Variants in AGMO observed in about 807,000 individuals in gnomAD.
The protein encoded by AGMO is alkylglycerol monooxygenase.
Under a neutral mutation model 60.2 loss-of-function variants are expected in AGMO, and 75 were observed. The observed-to-expected ratio is 1.25, with a 90% CI of 1.03 to 1.51. The LOEUF (loss-of-function observed/expected upper bound fraction) is 1.51, where lower values mean the gene tolerates loss of function less well. Among genes scored for constraint, AGMO ranks in the 40% most tolerant of loss-of-function variants. The pLI is 0.00. For synonymous variants in AGMO, 261 were observed against 177.1 expected (o/e 1.47, Z -3.76); for missense variants, 763 against 525.5 (o/e 1.45, Z -4.42).
rs116611565 is a variant in AGMO at position 15,491,177 on chromosome 7, A to C, written c.409+53595T>G. Reference sequence around the variant, plus strand: ...TATGTGCAGGCCCTGGAAAATACAGAAATGACAGCGGAAAGACCCTTGTCC... The same window carrying C: ...TATGTGCAGGCCCTGGAAAATACAGCAATGACAGCGGAAAGACCCTTGTCC... On this transcript the variant is annotated intron_variant, in intron 3 of 12. Transcript: ENST00000342526. 7.5e-3 allele frequency among the ~76,000 whole-genome samples: 1,144 copies of C among 152,312 alleles called. 17 individuals are homozygous for C. The highest frequency in any genetic ancestry group is 0.027 in the African/African-American group (1,110 of 41,580).
At chr7:15,164,466 T>C in the AGMO span, among the ~76,000 whole-genome samples, 64 of 152,178 alleles carry the variant, frequency 4.2e-4, no homozygotes, top group African/African-American at 1.5e-3. Flanking sequence ...ATCCACAGAA[T>C]GGGAGAAAAT....
the AGMO span, among the ~76,000 whole-genome samples, chr7:15,192,845 C>T: frequency 7.2e-5 from 11 of 152,220 alleles, no homozygotes; most frequent in East Asian, 2.1e-3. Flanking sequence ...TCGTAAGTCC[C>T]ATAAGGGGGT....
At chr7:15,272,294 G>A (rs1365051992) in intron 12 of AGMO, among the ~76,000 whole-genome samples, 14 of 93,620 alleles carry the variant, frequency 1.5e-4, no homozygotes, top group East Asian at 6.0e-4. Context: ...CCCACCCCAC[G>A]ACAGTCCCAG....
At chr7:15,526,723 G>A (rs549479595) in intron 3 of AGMO, among the ~76,000 whole-genome samples, 14 of 152,140 alleles carry the variant, frequency 9.2e-5, no homozygotes, top group South Asian at 4.1e-4. Flanking sequence ...ACACTTTATT[G>A]GGCTTTGCAG....
chr7:15,536,799 T>G (rs1236654851), intron 3 of AGMO, among the ~76,000 whole-genome samples: 1 of 151,992 alleles, frequency 6.6e-6, no homozygotes, highest in Non-Finnish European at 1.5e-5. Flanking sequence ...TAATGTACCC[T>G]TTTAGTAATT....
At chr7:15,505,884 T>G (rs1783500962) in intron 3 of AGMO, among the ~76,000 whole-genome samples, 1 of 152,072 alleles carries the variant, frequency 6.6e-6, no homozygotes, top group Non-Finnish European at 1.5e-5. Context: ...TTCTGATGAC[T>G]TTTTAAAGTT....
At chr7:15,218,047 A>G (rs1781794989) in intron 12 of AGMO, among the ~76,000 whole-genome samples, 1 of 152,112 alleles carries the variant, frequency 6.6e-6, no homozygotes, top group East Asian at 1.9e-4. Flanking sequence ...AAAATTGTAG[A>G]AAGAAAATTA....
the AGMO span, among the ~76,000 whole-genome samples, chr7:15,192,812 C>T: frequency 6.6e-6 from 1 of 152,128 alleles, no homozygotes; most frequent in Non-Finnish European, 1.5e-5. Flanking sequence ...CACCAGGAGC[C>T]AAGCAAACTA....
At chr7:15,314,006 G>A (rs1384644325) in intron 12 of AGMO, among the ~76,000 whole-genome samples, 1 of 151,878 alleles carries the variant, frequency 6.6e-6, no homozygotes, top group East Asian at 1.9e-4. Context: ...GGCTAATATT[G>A]AACTTCTGAA....
intron 12 of AGMO, among the ~76,000 whole-genome samples, chr7:15,247,533 T>G (rs1287738288): frequency 6.7e-6 from 1 of 149,376 alleles, no homozygotes; most frequent in Non-Finnish European, 1.5e-5. Context: ...GAATAGCCAC[T>G]GCTCCATTAG....
At chr7:15,300,290 T>C (rs927085863) in intron 12 of AGMO, among the ~76,000 whole-genome samples, 2 of 151,820 alleles carry the variant, frequency 1.3e-5, no homozygotes, top group Non-Finnish European at 2.9e-5. Flanking sequence ...AAGTTCACAA[T>C]AGCAAAACTG....
At chr7:15,557,649 T>C (rs1243937293) in intron 2 of AGMO, among the ~76,000 whole-genome samples, 1 of 152,002 alleles carries the variant, frequency 6.6e-6, no homozygotes, top group Non-Finnish European at 1.5e-5. Context: ...CATAGTTTTA[T>C]ATAACAAAAC....
the AGMO span, among the ~76,000 whole-genome samples, chr7:15,189,949 CA>C: frequency 1.5e-3 from 231 of 150,934 alleles, 2 homozygotes; most frequent in Non-Finnish European, 8.1e-4. Context: ...TCAGAGTAAG[CA>C]GTTTCCTTTT....
At chr7:15,461,425 T>C (rs1459922102) in intron 3 of AGMO, among the ~76,000 whole-genome samples, 1 of 152,044 alleles carries the variant, frequency 6.6e-6, no homozygotes, top group African/African-American at 2.4e-5. Context: ...CACCTCTGGA[T>C]AGTAGTAATC....
At chr7:15,430,790 A>T (rs1583544532) in intron 4 of AGMO, among the ~76,000 whole-genome samples, 1 of 151,770 alleles carries the variant, frequency 6.6e-6, no homozygotes, top group African/African-American at 2.4e-5. Flanking sequence ...TTCTGGGTCA[A>T]ATAAAATGCT....
chr7:15,183,295 T>C, the AGMO span, among the ~76,000 whole-genome samples: 58 of 152,288 alleles, frequency 3.8e-4, no homozygotes, highest in Middle Eastern at 3.4e-3. Flanking sequence ...TTCAAGTAAA[T>C]GGATCTTAAC....
At position 15,380,237 on chromosome 7, in the gene AGMO, G is replaced by A. The variant is rs551297040; in HGVS notation, c.1074+5209C>T. 1.4e-4 allele frequency among the ~76,000 whole-genome samples: 21 copies of A among 152,120 alleles called. No individual in the cohort carries two copies. The East Asian group carries it at 3.7e-3, about 27-fold the overall frequency. On this transcript the variant is annotated intron_variant, in intron 10 of 12. Coordinates refer to ENST00000342526, the MANE Select transcript of AGMO (RefSeq NM_001004320.2). ...GATCAAACTATCCCTATTTGCAGACGACATGATCCTCTACCTAGAAAACCC... is the reference window on the plus strand; with the variant it reads ...GATCAAACTATCCCTATTTGCAGACAACATGATCCTCTACCTAGAAAACCC...
At chr7:15,225,590 A>C (rs1181458722) in intron 12 of AGMO, among the ~76,000 whole-genome samples, 12 of 151,954 alleles carry the variant, frequency 7.9e-5, no homozygotes, top group Non-Finnish European at 4.4e-5. Context: ...TTTAAAACTT[A>C]CATTAATATG....
intron 4 of AGMO, among the ~76,000 whole-genome samples, chr7:15,423,687 A>G (rs1780985258): frequency 1.2e-5 from 1 of 85,860 alleles, no homozygotes; most frequent in East Asian, 2.2e-4. Flanking sequence ...GAAAATTTAG[A>G]CACGGAGATA....
Sources: allele counts gnomAD v4.1 joint callset (sites outside exome capture counted in the v4.1 genomes callset), GRCh38; gene constraint gnomAD v4.1.1; transcripts MANE v1.5; gene names NCBI Gene and HGNC (gene_info 2026-07-23, HGNC 2026-07-21).